The following GRIN2B variants were observed in gnomAD, a reference collection of about 807,000 sequenced individuals.
The protein encoded by GRIN2B is glutamate ionotropic receptor NMDA type subunit 2B.
A neutral mutation model predicts 114.5 loss-of-function variants in GRIN2B; 5 were observed. The observed-to-expected ratio is 0.04, with a 90% CI of 0.02 to 0.09. The LOEUF (loss-of-function observed/expected upper bound fraction) is 0.09. GRIN2B is among the 10% of genes least tolerant of loss of function. The pLI is 1.00. For missense variants in GRIN2B, 1,108 were observed against 1,943.5 expected, an observed-to-expected ratio of 0.57 and a Z score of 8.08; for synonymous variants, 787 against 745.1, an observed-to-expected ratio of 1.06 and a Z score of -0.92.
chr12:13,803,269 A>C (rs958726428), intron 3 of GRIN2B, among the ~76,000 whole-genome samples: 8 of 152,164 alleles, frequency 5.3e-5, no homozygotes, highest in Non-Finnish European at 8.8e-5. Context: ...CAAAAGTTAC[A>C]CACAGATTTT....
chr12:13,596,930 T>A (rs1949081267), intron 10 of GRIN2B, among the ~76,000 whole-genome samples: 1 of 152,190 alleles, frequency 6.6e-6, no homozygotes, highest in Non-Finnish European at 1.5e-5. Context: ...TTCTGTTGCC[T>A]CAGGCCAATG....
chr12:13,680,345 A>G (rs1950116203), intron 4 of GRIN2B, among the ~76,000 whole-genome samples: 1 of 152,162 alleles, frequency 6.6e-6, no homozygotes, highest in Admixed American at 6.5e-5. Flanking sequence ...TGTCATCCTC[A>G]AGTACACAGT....
At chr12:13,751,449 T>C (rs1401020383) in intron 4 of GRIN2B, among the ~76,000 whole-genome samples, 1 of 152,108 alleles carries the variant, frequency 6.6e-6, no homozygotes, top group African/African-American at 2.4e-5. Flanking sequence ...ACTGGGATGT[T>C]GTAGGAGAGA....
At chr12:13,648,607 T>C (rs919858590) in intron 5 of GRIN2B, among the ~76,000 whole-genome samples, 1 of 151,894 alleles carries the variant, frequency 6.6e-6, no homozygotes, top group African/African-American at 2.4e-5. Flanking sequence ...AAAGACCTTA[T>C]TGCAGTTAGC....
At chr12:13,804,760 T>C (rs1382415591) in intron 3 of GRIN2B, among the ~76,000 whole-genome samples, 1 of 152,156 alleles carries the variant, frequency 6.6e-6, no homozygotes, top group Non-Finnish European at 1.5e-5. Flanking sequence ...CTAAACTCCA[T>C]GAGGTCTAGA....
intron 4 of GRIN2B, among the ~76,000 whole-genome samples, chr12:13,702,023 A>C (rs957520576): frequency 6.6e-6 from 1 of 152,240 alleles, no homozygotes; most frequent in Admixed American, 6.5e-5. Context: ...CATTTGAATA[A>C]TCTCAGCAAT....
chr12:13,660,574 G>C (rs1278570271), intron 5 of GRIN2B, among the ~76,000 whole-genome samples: 1 of 152,120 alleles, frequency 6.6e-6, no homozygotes. Context: ...AACACCACTG[G>C]GGATCAGAGA....
intron 3 of GRIN2B, among the ~76,000 whole-genome samples, chr12:13,776,935 C>T (rs1249400743): frequency 6.6e-5 from 10 of 152,090 alleles, no homozygotes. Context: ...GGCTGTGCTG[C>T]TTGTGCTGCA....
At position 13,564,498 on chromosome 12, in the gene GRIN2B, C is replaced by T. The variant is rs1039043750; in HGVS notation, c.2740G>A (p.Val914Met). 5.0e-6 allele frequency: 8 copies of T among 1,614,114 alleles called. No homozygotes were observed. Among genetic ancestry groups the T allele is most frequent in the Non-Finnish European group, 6.8e-6 (8 of 1,180,044 alleles). ...AGGGCGCTCTGCGGTGAGCCATTCA[C>T]ACCAGACAGGTTAGCCATGTTCTTG... Reference protein sequence around the residue: ...TAKNMANLSGVNGSPQSALDF... With the variant: ...TAKNMANLSGMNGSPQSALDF... Residue 914 changes from valine (V) to methionine (M), a missense_variant, in exon 14 of 14, where the codon GTG becomes ATG. This residue lies in a region of GRIN2B where 140 missense variants were observed against 187.5 expected (regional missense o/e 0.75). Coordinates refer to ENST00000609686, the MANE Select transcript of GRIN2B (RefSeq NM_000834.5). The surrounding 1 kb of genome is among the most constrained non-coding windows in gnomAD (Gnocchi z 4.8).
At chr12:13,650,848 C>T (rs1424305151) in intron 5 of GRIN2B, among the ~76,000 whole-genome samples, 1 of 152,078 alleles carries the variant, frequency 6.6e-6, no homozygotes, top group Non-Finnish European at 1.5e-5. Context: ...TGAAGGCATA[C>T]ATTTTTGTCT....
intron 4 of GRIN2B, among the ~76,000 whole-genome samples, chr12:13,747,682 A>G (rs1863411537): frequency 6.6e-6 from 1 of 152,186 alleles, no homozygotes; most frequent in Admixed American, 6.5e-5. Flanking sequence ...GCTTATTACT[A>G]TGCATTCATG....
chr12:13,831,851 C>A (rs1865153934), intron 3 of GRIN2B, among the ~76,000 whole-genome samples: 2 of 152,164 alleles, frequency 1.3e-5, no homozygotes, highest in Non-Finnish European at 2.9e-5. Flanking sequence ...AATCAGCAGG[C>A]CCAAAATAAA....
chr12:13,820,894 A>G (rs926532244), intron 3 of GRIN2B, among the ~76,000 whole-genome samples: 2 of 152,104 alleles, frequency 1.3e-5, no homozygotes, highest in African/African-American at 2.4e-5. Context: ...TATAATAGGA[A>G]TTTGATTCTT....
At chr12:13,827,799 G>T (rs375731761) in intron 3 of GRIN2B, among the ~76,000 whole-genome samples, 1 of 151,654 alleles carries the variant, frequency 6.6e-6, no homozygotes. Context: ...CTCCTGCCTC[G>T]GCCTCCCAAG....
At chr12:13,739,395 A>G (rs1369032185) in intron 4 of GRIN2B, among the ~76,000 whole-genome samples, 1 of 143,826 alleles carries the variant, frequency 7.0e-6, no homozygotes, top group African/African-American at 2.5e-5. Context: ...AAAAAAAAAA[A>G]AAAAAAAGAA....
Position 13,725,720 on chromosome 12 carries a change from T to C in GRIN2B, c.1010+27597A>G, listed in dbSNP as rs1343224815. Among the ~76,000 whole-genome samples, 6 of 152,168 alleles carry C rather than the reference T, an allele frequency of 3.9e-5. No individual in the cohort carries two copies. The East Asian group carries it at 1.2e-3, about 29-fold the overall frequency. ...AGAATATTTTCATTTTCCCTCTGCTTAACAAGAAATGGAGCAATTTCCAGG... is the reference window on the plus strand; with the variant it reads ...AGAATATTTTCATTTTCCCTCTGCTCAACAAGAAATGGAGCAATTTCCAGG... On this transcript the variant is annotated intron_variant, in intron 4 of 13. Coordinates refer to ENST00000609686, the MANE Select transcript of GRIN2B (RefSeq NM_000834.5).
chr12:13,718,444 C>T lies in GRIN2B; in HGVS notation c.1010+34873G>A, dbSNP rs562582667. ...GTACCAAGGAAAAAAAGAGCCAAGA[C>T]CCGGACTGGACCGAGGCAGTTCCAA... On this transcript the variant is annotated intron_variant, in intron 4 of 13. Transcript: ENST00000609686. Among the ~76,000 whole-genome samples the T allele has an allele frequency of 2.6e-5, 4 of 152,100 alleles. No individual in the cohort carries two copies. The South Asian group carries it at 8.3e-4, about 32-fold the overall frequency.
chr12:13,821,547 G>A (rs1405218958), intron 3 of GRIN2B, among the ~76,000 whole-genome samples: 1 of 152,192 alleles, frequency 6.6e-6, no homozygotes, highest in Non-Finnish European at 1.5e-5. Flanking sequence ...GTGTTAGGAA[G>A]AAGGCAGAAG....
Position 13,684,443 on chromosome 12 carries a change from C to G in GRIN2B, c.1011-8584G>C, listed in dbSNP as rs2192979. 5.3e-5 allele frequency among the ~76,000 whole-genome samples: 8 copies of G among 152,234 alleles called. No individual in the cohort carries two copies. In the East Asian group the frequency reaches 1.4e-3, roughly 26 times the overall value. ...CAAAGTTGCTTCTCATTTAGCTCTA[C>G]GCACAGAACTCAGTGATGAAAAATG... On this transcript the variant is annotated intron_variant, in intron 4 of 13. Coordinates refer to ENST00000609686, the MANE Select transcript of GRIN2B (RefSeq NM_000834.5).
Sources: allele counts gnomAD v4.1 joint callset (sites outside exome capture counted in the v4.1 genomes callset), GRCh38; gene constraint gnomAD v4.1.1; regional missense constraint gnomAD v4.1.1; non-coding constraint Gnocchi (gnomAD v3.1); transcripts MANE v1.5; gene names NCBI Gene and HGNC (gene_info 2026-07-23, HGNC 2026-07-21).